The following NT5C2 variants were observed in gnomAD, a reference collection of about 807,000 sequenced individuals.
NT5C2 encodes cytosolic purine 5'-nucleotidase.
Under a neutral mutation model 76.1 loss-of-function variants are expected in NT5C2, and 58 were observed. That is an observed-to-expected ratio of 0.76 (90% CI 0.62 to 0.95). NT5C2 has a LOEUF of 0.95. NT5C2 is among the 40% of genes least tolerant of loss of function. The pLI is 0.00. For synonymous variants in NT5C2, 229 were observed against 237.4 expected, an observed-to-expected ratio of 0.96 and a Z score of 0.32; for missense variants, 478 against 690.3, an observed-to-expected ratio of 0.69 and a Z score of 3.45.
chr10:103,136,650 G>A (rs796252710), intron 4 of NT5C2, among the ~76,000 whole-genome samples: 13 of 147,014 alleles, frequency 8.8e-5, no homozygotes, highest in African/African-American at 2.3e-4. Flanking sequence ...TTTGAGACAC[G>A]GTCTCACTCT....
chr10:103,182,467 T>C (rs1336517171), intron 1 of NT5C2, among the ~76,000 whole-genome samples: 1 of 151,868 alleles, frequency 6.6e-6, no homozygotes, highest in African/African-American at 2.4e-5. Flanking sequence ...TGAAACCCTG[T>C]CTACTAAAAA....
chr10:103,130,599 A>G (rs913457728), intron 4 of NT5C2, among the ~76,000 whole-genome samples: 17 of 143,928 alleles, frequency 1.2e-4, no homozygotes, highest in African/African-American at 4.3e-4. Flanking sequence ...AAAAAAAAAG[A>G]AAAATTAGAA....
At chr10:103,125,198 C>T (rs1006021234) in intron 4 of NT5C2, 4 of 704,458 alleles carry the variant, frequency 5.7e-6, no homozygotes, top group Non-Finnish European at 7.5e-6. Context: ...CCCTCCACAC[C>T]TGTTTAGCCT....
chr10:103,118,507 C>T (rs182813591), intron 4 of NT5C2, among the ~76,000 whole-genome samples: 73 of 152,146 alleles, frequency 4.8e-4, no homozygotes, highest in East Asian at 1.9e-3. Flanking sequence ...CAGACGTGCA[C>T]CACGCTCAAC....
chr10:103,130,189 T>G (rs1299658993), intron 4 of NT5C2, among the ~76,000 whole-genome samples: 1 of 151,558 alleles, frequency 6.6e-6, no homozygotes, highest in Non-Finnish European at 1.5e-5. Context: ...CATGGGAGAC[T>G]TTTCATTTTG....
intron 4 of NT5C2, among the ~76,000 whole-genome samples, chr10:103,136,870 G>A (rs1011302042): frequency 3.9e-5 from 6 of 152,042 alleles, no homozygotes; most frequent in African/African-American, 9.7e-5. Context: ...TAATCCACCC[G>A]CCTCAGTCTC....
rs2066013239 is a variant in NT5C2, at chr10:103,088,724, T to C, written c.*948A>G. 5.6e-6 allele frequency: 1 copy of C among 178,458 alleles called. No individual in the cohort carries two copies. Among genetic ancestry groups the C allele is most frequent in the Non-Finnish European group, 1.2e-5 (1 of 83,172 alleles). The allele number at this position is 178,458 out of a possible 1,614,324, so 11.1% of individuals were successfully genotyped here. On this transcript the variant is annotated 3_prime_UTR_variant, in exon 19 of 19. Coordinates refer to ENST00000404739, the MANE Select transcript of NT5C2 (RefSeq NM_001351169.2). ...TCTGAAGTGAATTTATTCACACTGA[T>C]TGTGCCCTCTACTTTAGTAAGGTTC... is the stretch of plus-strand genomic sequence containing the variant.
intron 4 of NT5C2, among the ~76,000 whole-genome samples, chr10:103,136,099 C>G (rs1209225686): frequency 6.6e-6 from 1 of 151,966 alleles, no homozygotes; most frequent in African/African-American, 2.4e-5. Flanking sequence ...AAAAAAAAAC[C>G]CTCTTTCTTT....
At chr10:103,186,371 A>C (rs2092009551) in intron 1 of NT5C2, among the ~76,000 whole-genome samples, 1 of 152,234 alleles carries the variant, frequency 6.6e-6, no homozygotes, top group South Asian at 2.1e-4. Flanking sequence ...ACAGTACTTG[A>C]TGTTTGCAGG....
chr10:103,171,031 TTC>T (rs1179009377), intron 3 of NT5C2, among the ~76,000 whole-genome samples: 1 of 152,262 alleles, frequency 6.6e-6, no homozygotes, highest in South Asian at 2.1e-4. Context: ...CACATAAATG[TTC>T]TGTTTTATAC....
intron 3 of NT5C2, chr10:103,153,280 A>G (rs770174549): frequency 1.6e-6 from 2 of 1,279,964 alleles, no homozygotes; most frequent in South Asian, 2.5e-5. Context: ...AAGAATAATA[A>G]AATCACTTAC....
At chr10:103,099,101 G>A in intron 9 of NT5C2, 117 bp from the exon 10 acceptor site, 1 of 811,772 alleles carries the variant, frequency 1.2e-6, no homozygotes, top group East Asian at 2.8e-5. Context: ...TTGAGACAAG[G>A]TCACCCTGTT....
At chr10:103,162,282 A>G (rs10883840) in intron 3 of NT5C2, among the ~76,000 whole-genome samples, 62,198 of 151,798 alleles carry the variant, frequency 0.41, 12,930 homozygotes, top group East Asian at 0.55. Context: ...CCAAAGTCCT[A>G]GGATTATAGG....
At chr10:103,099,026 C>T (rs767793637) in intron 9 of NT5C2, 42 bp from the exon 10 acceptor site, 2 of 1,456,166 alleles carry the variant, frequency 1.4e-6, no homozygotes, top group South Asian at 2.4e-5. Flanking sequence ...AGAACAAAAT[C>T]AGTTTTTAAC....
intron 4 of NT5C2, chr10:103,125,105 A>G: frequency 2.2e-6 from 1 of 450,950 alleles, no homozygotes; most frequent in South Asian, 2.1e-5. Context: ...AGTTAGTACA[A>G]TGAAACCAAA....
chr10:103,111,526 A>C (rs2073035050), intron 4 of NT5C2, among the ~76,000 whole-genome samples: 1 of 152,244 alleles, frequency 6.6e-6, no homozygotes, highest in Non-Finnish European at 1.5e-5. Flanking sequence ...CTCTGTTTTG[A>C]GTAGATGCTG....
chr10:103,100,147 T>A (rs1277338404), intron 8 of NT5C2, 128 bp from the exon 9 acceptor site: 1 of 589,716 alleles, frequency 1.7e-6, no homozygotes, highest in Non-Finnish European at 3.0e-6. Flanking sequence ...ATGAGGAAAA[T>A]AATTACTCCC....
At chr10:103,148,921 T>C (rs965671571) in intron 3 of NT5C2, among the ~76,000 whole-genome samples, 15 of 151,928 alleles carry the variant, frequency 9.9e-5, no homozygotes, top group African/African-American at 3.6e-4. Flanking sequence ...CACAAAAAGT[T>C]AGGATAGCAA....
chr10:103,110,669 C>T (rs2072782364), intron 4 of NT5C2, among the ~76,000 whole-genome samples: 1 of 152,320 alleles, frequency 6.6e-6, no homozygotes, highest in South Asian at 2.1e-4. Flanking sequence ...ACCCTGACAA[C>T]ACTATTTCAT....
Sources: allele counts gnomAD v4.1 joint callset (sites outside exome capture counted in the v4.1 genomes callset), GRCh38; gene constraint gnomAD v4.1.1; transcripts MANE v1.5; gene names NCBI Gene and HGNC (gene_info 2026-07-23, HGNC 2026-07-21).